The following GIGYF2 variants were observed in gnomAD, a reference collection of about 807,000 sequenced individuals.
GIGYF2 encodes GRB10 interacting GYF protein 2, also known as GRB10-interacting GYF protein 2.
A neutral mutation model predicts 208.1 loss-of-function variants in GIGYF2; 25 were observed. The observed-to-expected ratio is 0.12, with a 90% CI of 0.09 to 0.17. GIGYF2 has a LOEUF of 0.17. Among genes scored for constraint, GIGYF2 ranks in the 10% least tolerant of loss-of-function variants. GIGYF2 has a pLI of 1.00. For missense variants in GIGYF2, 1,302 were observed against 1,579.4 expected, an observed-to-expected ratio of 0.82 and a Z score of 2.98; for synonymous variants, 534 against 543.8, an observed-to-expected ratio of 0.98 and a Z score of 0.25.
At chr2:232,842,130 A>G (rs779329302) in intron 23 of GIGYF2, among the ~76,000 whole-genome samples, 4 of 151,806 alleles carry the variant, frequency 2.6e-5, no homozygotes, top group Non-Finnish European at 5.9e-5. Context: ...ATGGGCCACC[A>G]CGCCCTACCC....
At chr2:232,708,055 C>G (rs961274338) in intron 2 of GIGYF2, among the ~76,000 whole-genome samples, 6 of 151,708 alleles carry the variant, frequency 4.0e-5, no homozygotes, top group East Asian at 1.9e-4. Flanking sequence ...TCGACCTTCT[C>G]AGGCTCAGGT....
At chr2:232,799,777 T>C (rs1700336679) in intron 14 of GIGYF2, among the ~76,000 whole-genome samples, 1 of 152,110 alleles carries the variant, frequency 6.6e-6, no homozygotes, top group Non-Finnish European at 1.5e-5. Context: ...GGTTTTAATT[T>C]CACCAAATTC....
intron 8 of GIGYF2, among the ~76,000 whole-genome samples, chr2:232,774,177 A>G (rs1005941744): frequency 2.0e-5 from 3 of 152,088 alleles, no homozygotes; most frequent in Non-Finnish European, 4.4e-5. Context: ...GTGGATATGA[A>G]TATTATACAT....
chr2:232,713,531 T>C (rs1696528086), intron 2 of GIGYF2, among the ~76,000 whole-genome samples: 1 of 152,276 alleles, frequency 6.6e-6, no homozygotes, highest in Non-Finnish European at 1.5e-5. Context: ...AAACCAATGT[T>C]GATACATTGT....
At chr2:232,752,433 T>C (rs1393051484) in intron 5 of GIGYF2, among the ~76,000 whole-genome samples, 1 of 152,218 alleles carries the variant, frequency 6.6e-6, no homozygotes, top group Non-Finnish European at 1.5e-5. Flanking sequence ...TCTCCCTCCA[T>C]GTATCTGTGT....
At chr2:232,785,098 T>C (rs1326750327) in intron 8 of GIGYF2, among the ~76,000 whole-genome samples, 1 of 152,128 alleles carries the variant, frequency 6.6e-6, no homozygotes, top group Non-Finnish European at 1.5e-5. Flanking sequence ...TCTTTTTTTT[T>C]TTTTAATAAA....
At chr2:232,794,400 G>T (rs937633386) in intron 12 of GIGYF2, among the ~76,000 whole-genome samples, 1 of 152,140 alleles carries the variant, frequency 6.6e-6, no homozygotes, top group African/African-American at 2.4e-5. Flanking sequence ...AAGATTTAGG[G>T]TGCATTGTTA....
intron 22 of GIGYF2, among the ~76,000 whole-genome samples, chr2:232,835,949 C>T (rs1701575735): frequency 1.3e-5 from 2 of 152,012 alleles, no homozygotes; most frequent in Admixed American, 6.6e-5. Context: ...CAGTCCTAAC[C>T]TTACCCCTAA....
intron 4 of GIGYF2, among the ~76,000 whole-genome samples, chr2:232,748,194 G>C (rs540585513): frequency 6.6e-6 from 1 of 152,304 alleles, no homozygotes; most frequent in Admixed American, 6.5e-5. Context: ...GTGTCACTTA[G>C]ATCAAAACTG....
At chr2:232,802,908 TTTTTTTTTA>T (rs201818939) in intron 14 of GIGYF2, among the ~76,000 whole-genome samples, 3,431 of 151,900 alleles carry the variant, frequency 0.023, 135 homozygotes, top group African/African-American at 0.078. Flanking sequence ...ATTTTTTTTT[TTTTTTTTTA>T]AAGACAGAGT....
chr2:232,769,328 T>G (rs202069570), intron 8 of GIGYF2, among the ~76,000 whole-genome samples: 4 of 151,854 alleles, frequency 2.6e-5, no homozygotes, highest in African/African-American at 9.7e-5. Context: ...GTCAGGAGTT[T>G]GAGACCAGCC....
In GIGYF2 at chr2:232,761,807, A is replaced by T. The variant is rs1218817423; in HGVS notation, c.532+371A>T. ...AAGGCCAAAACTATGAATGTTCTTAATTTACTAATTTATTCATTTGGCCTT... is the reference window on the plus strand; with the variant it reads ...AAGGCCAAAACTATGAATGTTCTTATTTTACTAATTTATTCATTTGGCCTT... On this transcript the variant is annotated intron_variant, in intron 8 of 28. Coordinates refer to ENST00000373563, the MANE Select transcript of GIGYF2 (RefSeq NM_001103146.3). Among the ~76,000 whole-genome samples, 3 of 150,860 alleles carry T rather than the reference A, an allele frequency of 2.0e-5. No homozygotes were observed. The South Asian group carries it at 6.3e-4, about 32-fold the overall frequency.
chr2:232,767,679 T>G (rs1045276892), intron 8 of GIGYF2: 3 of 160,562 alleles, frequency 1.9e-5, no homozygotes, highest in African/African-American at 7.2e-5. Context: ...TAATACTTAC[T>G]CAAGTTTCAT....
At chr2:232,700,327 C>T (rs1695786002) in intron 1 of GIGYF2, among the ~76,000 whole-genome samples, 1 of 152,162 alleles carries the variant, frequency 6.6e-6, no homozygotes, top group African/African-American at 2.4e-5. Flanking sequence ...CATTTGTTTT[C>T]ATGACTCTGC....
At chr2:232,753,669 C>T (rs1371190391) in intron 5 of GIGYF2, among the ~76,000 whole-genome samples, 1 of 152,078 alleles carries the variant, frequency 6.6e-6, no homozygotes, top group Non-Finnish European at 1.5e-5. Flanking sequence ...CTTGCAGTCA[C>T]CCGTGAGGTA....
chr2:232,756,930 C>T (rs946001460), intron 6 of GIGYF2, among the ~76,000 whole-genome samples: 2 of 151,962 alleles, frequency 1.3e-5, no homozygotes, highest in African/African-American at 2.4e-5. Context: ...CTGATTTTCT[C>T]CTATATGACG....
chr2:232,751,900 T>G (rs1363904397), intron 5 of GIGYF2, among the ~76,000 whole-genome samples: 2 of 152,204 alleles, frequency 1.3e-5, no homozygotes, highest in Non-Finnish European at 2.9e-5. Flanking sequence ...GTTAACAATT[T>G]AGAGAAGAGT....
chr2:232,802,696 A>G (rs1217604501), intron 14 of GIGYF2, among the ~76,000 whole-genome samples: 3 of 152,144 alleles, frequency 2.0e-5, no homozygotes, highest in East Asian at 3.8e-4. Context: ...ATATTGGTCT[A>G]TATTTTTCTT....
intron 8 of GIGYF2, among the ~76,000 whole-genome samples, chr2:232,778,056 C>A (rs1276282653): frequency 6.6e-6 from 1 of 152,020 alleles, no homozygotes; most frequent in East Asian, 1.9e-4. Flanking sequence ...AAGTGATCCT[C>A]CCACCTCATC....
Sources: allele counts gnomAD v4.1 joint callset (sites outside exome capture counted in the v4.1 genomes callset), GRCh38; gene constraint gnomAD v4.1.1; transcripts MANE v1.5; gene names NCBI Gene and HGNC (gene_info 2026-07-23, HGNC 2026-07-21).